Variants in ADGRL3 observed in about 807,000 individuals in gnomAD.
The protein encoded by ADGRL3 is calcium-independent alpha-latrotoxin receptor 3.
ADGRL3 carries 62 observed loss-of-function variants against 153.5 expected under a neutral mutation model. The observed-to-expected ratio is 0.40, with a 90% CI of 0.33 to 0.50. The LOEUF is 0.50. Among genes scored for constraint, ADGRL3 ranks in the 20% least tolerant of loss-of-function variants. The pLI, the probability that ADGRL3 is intolerant of heterozygous loss-of-function variation, is 0.47. For missense variants in ADGRL3, 1,641 were observed against 1,859.4 expected (o/e 0.88, Z 2.16); for synonymous variants, 710 against 672.5 (o/e 1.06, Z -0.86).
At chr4:61,753,232 A>T (rs2096778947) in intron 8 of ADGRL3, among the ~76,000 whole-genome samples, 1 of 151,888 alleles carries the variant, frequency 6.6e-6, no homozygotes, top group African/African-American at 2.4e-5. Flanking sequence ...TTCTGTGAAA[A>T]AAAAAAAAAA....
At chr4:61,812,755 G>A (rs2097645650) in intron 8 of ADGRL3, among the ~76,000 whole-genome samples, 1 of 152,078 alleles carries the variant, frequency 6.6e-6, no homozygotes, top group Non-Finnish European at 1.5e-5. Context: ...TTTCAAATCA[G>A]CATCTTGGCC....
In ADGRL3 at chr4:61,761,710, G is replaced by A. The variant is rs557906435; in HGVS notation, c.1399+28156G>A. The stretch of plus-strand genomic sequence containing the variant: ...ATTGAAAGACTGAGATAGAAGGATT[G>A]CTTGAAGCCAGAAGTTCGATACCAG... On this transcript the variant is annotated intron_variant, in intron 8 of 26. Transcript: ENST00000683033. Among the ~76,000 whole-genome samples, 6 of 152,296 alleles carry A rather than the reference G, an allele frequency of 3.9e-5. No individual in the cohort carries two copies. In the East Asian group the frequency reaches 1.2e-3, roughly 29 times the overall value.
chr4:61,208,543 A>G (rs1445661877), intron 1 of ADGRL3, among the ~76,000 whole-genome samples: 1 of 152,158 alleles, frequency 6.6e-6, no homozygotes, highest in East Asian at 1.9e-4. Context: ...TCACACCATT[A>G]TAGAGTATGT....
intron 11 of ADGRL3, among the ~76,000 whole-genome samples, chr4:61,905,233 T>C (rs921490235): frequency 6.6e-6 from 1 of 152,144 alleles, no homozygotes; most frequent in Non-Finnish European, 1.5e-5. Flanking sequence ...CTAGACTTCT[T>C]GATGGAATAT....
intron 8 of ADGRL3, among the ~76,000 whole-genome samples, chr4:61,777,871 T>C (rs188370734): frequency 4.8e-4 from 73 of 152,296 alleles, no homozygotes; most frequent in Admixed American, 4.4e-3. Flanking sequence ...AAAAAGTATG[T>C]AACACATTGA....
intron 4 of ADGRL3, among the ~76,000 whole-genome samples, chr4:61,578,956 C>T (rs2098909589): frequency 6.6e-6 from 1 of 152,128 alleles, no homozygotes; most frequent in South Asian, 2.1e-4. Flanking sequence ...ATCGGCCTAT[C>T]TCTTCTCTCC....
intron 2 of ADGRL3, among the ~76,000 whole-genome samples, chr4:61,492,904 G>A (rs1010046040): frequency 6.6e-6 from 1 of 152,002 alleles, no homozygotes; most frequent in Non-Finnish European, 1.5e-5. Flanking sequence ...CATTATTGAT[G>A]CAAATTAGGT....
intron 21 of ADGRL3, among the ~76,000 whole-genome samples, chr4:62,021,137 T>A (rs2151381371): frequency 6.6e-6 from 1 of 152,228 alleles, no homozygotes; most frequent in East Asian, 1.9e-4. Flanking sequence ...ACCCCTTTTT[T>A]GAGGTCCGAA....
At chr4:61,293,126 G>A (rs2094286684) in intron 1 of ADGRL3, among the ~76,000 whole-genome samples, 2 of 152,168 alleles carry the variant, frequency 1.3e-5, no homozygotes, top group African/African-American at 4.8e-5. Context: ...GACACGTTGT[G>A]TAGCAGCTGG....
intron 11 of ADGRL3, among the ~76,000 whole-genome samples, chr4:61,900,357 A>T: frequency 6.6e-6 from 1 of 152,130 alleles, no homozygotes; most frequent in East Asian, 1.9e-4. Context: ...AAGAATCTTG[A>T]TGGTTTCAAC....
intron 19 of ADGRL3, among the ~76,000 whole-genome samples, chr4:61,991,372 A>G (rs1306328896): frequency 1.3e-5 from 2 of 152,100 alleles, no homozygotes; most frequent in East Asian, 3.9e-4. Context: ...AGATGAGACC[A>G]TGGCAATCAC....
chr4:61,768,107 A>G (rs1483789483), intron 8 of ADGRL3, among the ~76,000 whole-genome samples: 1 of 152,098 alleles, frequency 6.6e-6, no homozygotes, highest in African/African-American at 2.4e-5. Flanking sequence ...TATTTGATGA[A>G]AAAGAGCCTA....
intron 1 of ADGRL3, among the ~76,000 whole-genome samples, chr4:61,208,029 A>T (rs1215828116): frequency 6.6e-6 from 1 of 152,198 alleles, no homozygotes; most frequent in East Asian, 1.9e-4. Context: ...CAAATAATCC[A>T]GTGTAGAAAA....
chr4:61,758,573 C>G (rs567477939), intron 8 of ADGRL3, among the ~76,000 whole-genome samples: 2 of 152,216 alleles, frequency 1.3e-5, no homozygotes, highest in African/African-American at 4.8e-5. Context: ...CTATGTGTGT[C>G]TCTGCATAAG....
At chr4:62,015,032 A>T (rs908952679) in intron 21 of ADGRL3, among the ~76,000 whole-genome samples, 9 of 152,204 alleles carry the variant, frequency 5.9e-5, no homozygotes, top group African/African-American at 1.7e-4. Flanking sequence ...AAAGTATACA[A>T]GTCAGAGTTA....
chr4:61,749,921 A>T (rs1262359380), intron 8 of ADGRL3, among the ~76,000 whole-genome samples: 1 of 152,112 alleles, frequency 6.6e-6, no homozygotes, highest in East Asian at 1.9e-4. Flanking sequence ...AATGGAATTC[A>T]GGCACACAGA....
intron 1 of ADGRL3, among the ~76,000 whole-genome samples, chr4:61,218,780 C>T (rs1744055768): frequency 6.6e-6 from 1 of 152,162 alleles, no homozygotes; most frequent in African/African-American, 2.4e-5. Flanking sequence ...TTGTGAGGAA[C>T]TCAGAGGTTA....
intron 15 of ADGRL3, 51 bp from the exon 16 acceptor site, chr4:61,946,859 TACTA>T (rs2098927230): frequency 7.6e-7 from 1 of 1,310,486 alleles, no homozygotes; most frequent in East Asian, 2.3e-5. Flanking sequence ...ATCTCATTAG[TACTA>T]ACTAATTTAA....
intron 5 of ADGRL3, among the ~76,000 whole-genome samples, chr4:61,665,538 G>C (rs2094762864): frequency 6.6e-6 from 1 of 152,090 alleles, no homozygotes; most frequent in African/African-American, 2.4e-5. Flanking sequence ...AAGACCATAA[G>C]AAAAATCCAA....
Sources: gnomAD v4.1 joint callset for allele counts (sites outside exome capture counted in the v4.1 genomes callset) on GRCh38, gnomAD v4.1.1 for gene constraint, MANE v1.5 for transcripts, NCBI Gene and HGNC (gene_info 2026-07-23, HGNC 2026-07-21) for gene names.